Variants in KMT2B observed in about 807,000 individuals in gnomAD.
KMT2B encodes histone-lysine N-methyltransferase 2B.
KMT2B carries 22 observed loss-of-function variants against 255.3 expected under a neutral mutation model. The observed-to-expected ratio is 0.09, with a 90% CI of 0.06 to 0.12. The LOEUF (loss-of-function observed/expected upper bound fraction) is 0.12, where lower values mean the gene tolerates loss of function less well. Ranked by LOEUF, KMT2B falls within the 10% of genes least tolerant of loss-of-function variation. The pLI, the probability that KMT2B is intolerant of heterozygous loss-of-function variation, is 1.00. For synonymous variants in KMT2B, 1,730 were observed against 1,498.1 expected (o/e 1.15, Z -3.57); for missense variants, 3,149 against 3,737.0 (o/e 0.84, Z 4.10).
rs772084089 is a variant in KMT2B, at chr19:35,720,652, A to G, written c.1305A>G (p.Pro435=). The G allele has an allele frequency of 5.2e-5, 36 of 698,912 alleles. No individual in the cohort carries two copies. Among genetic ancestry groups the G allele is most frequent in the Admixed American group, 1.5e-4 (3 of 19,450 alleles). The allele number at this position is 698,912 out of a possible 1,614,324, so 43.3% of individuals were successfully genotyped here. ...PPPLCPPPPP[P]VSPPPLPSPP... ...CACTCTGCCCTCCACCACCACCCCC[A>G]GTGTCCCCACCACCTCTACCATCCC... The change falls in exon 3 of 37, where the codon CCA becomes CCG. Residue 435 remains proline (P), a synonymous_variant. Transcript: ENST00000420124.
intron 13 of KMT2B, 121 bp from the exon 14 acceptor site, chr19:35,726,115 C>G: frequency 2.7e-6 from 2 of 745,514 alleles, no homozygotes; most frequent in South Asian, 3.2e-5. Flanking sequence ...CGTGTTTTCT[C>G]CTCTTACCTG....
rs200828983 is a variant in KMT2B, at chr19:35,731,871, G to T, written c.5438-37G>T. 7.3e-4 allele frequency: 1,076 copies of T among 1,481,306 alleles called. 2 individuals are homozygous for T. Among genetic ancestry groups the T allele is most frequent in the Non-Finnish European group, 7.1e-4 (755 of 1,061,020 alleles). 91.8% of individuals were successfully genotyped at this position (1,481,306 alleles called of 1,614,324 possible). On this transcript the variant is annotated intron_variant, in intron 26 of 36. Coordinates refer to ENST00000420124, the MANE Select transcript of KMT2B (RefSeq NM_014727.3). ...GCATGTGGGCAGGCTTTGACACAGA[G>T]CCCCTACCACCCCAATGCCATTTCT...
chr19:35,728,257 T>TGAGCAGAGGTAGGGTCTG (rs1969548785), intron 19 of KMT2B, 86 bp downstream of exon 19: 3 of 1,192,458 alleles, frequency 2.5e-6, no homozygotes, highest in African/African-American at 1.5e-5. Context: ...TGAGAAGAGA[T>TGAGCAGAGGTAGGGTCTG]GAGCAGAGGT....
rs377172275 is a variant in KMT2B at position 35,732,842 on chromosome 19, C to T, written c.6293C>T (p.Ala2098Val). The T allele has an allele frequency of 6.2e-6, 10 of 1,608,572 alleles. No homozygotes were observed. In the African/African-American group the frequency reaches 1.1e-4, roughly 17 times the overall value. ...GTAGTCCGGGCAGGGGTCCTTGGGG[C>T]TGCAGGGGACAGGGCCCGGCCTCCT... is the stretch of plus-strand genomic sequence containing the variant. ...PGVVRAGVLG[A>V]AGDRARPPED... The change falls in exon 28 of 37, where the codon GCT (alanine) becomes GTT (valine). Residue 2098 changes from alanine to valine, a missense_variant. Coordinates refer to ENST00000420124, the MANE Select transcript of KMT2B (RefSeq NM_014727.3).
At chr19:35,728,070 C>A (rs1001992749) in intron 18 of KMT2B, 28 bp from the exon 19 acceptor site, 1 of 1,578,946 alleles carries the variant, frequency 6.3e-7, no homozygotes, top group Non-Finnish European at 8.6e-7. Flanking sequence ...GAAGCTGGCT[C>A]TTCTCATCCT....
In KMT2B at chr19:35,725,763, C is replaced by A; in HGVS notation, c.3830C>A (p.Pro1277Gln). ...GAGCGCTGCCGCCATGCATACCACC[C>A]GGCCTGTCTGGGGCCCAGCTATCCA... is the stretch of plus-strand genomic sequence containing the variant. ...ECERCRHAYH[P>Q]ACLGPSYPTR... The change falls in exon 13 of 37, where the codon CCG becomes CAG. Residue 1277 changes from proline (P) to glutamine (Q), a missense_variant. Pro to Gln is a moderately conservative substitution (Grantham distance 76). Transcript: ENST00000420124. This position sits in a 1 kb window ranked among gnomAD's most constrained non-coding sequence, Gnocchi z 4.1. 1 of 1,602,484 alleles carries A rather than the reference C, an allele frequency of 6.2e-7. No individual in the cohort carries two copies. The highest frequency in any genetic ancestry group is 8.5e-7 in the Non-Finnish European group (1 of 1,174,892).
At chr19:35,726,451 C>T (rs1969450842) in intron 14 of KMT2B, 98 bp downstream of exon 14, 2 of 799,340 alleles carry the variant, frequency 2.5e-6, no homozygotes, top group East Asian at 5.1e-5. Context: ...TCATGGCTTT[C>T]CACCTTGTAG....
chr19:35,736,991 G>T lies in KMT2B; in HGVS notation c.7372+5G>T. On this transcript the variant is annotated splice_donor_5th_base_variant and intron_variant, in intron 32 of 36. Transcript: ENST00000420124. ...TCAGACATCTCTCCTTTAGTGGTAAGGAGTGGGCCCCACAGGGGGCAGGGA... is the reference window on the plus strand; with the variant it reads ...TCAGACATCTCTCCTTTAGTGGTAATGAGTGGGCCCCACAGGGGGCAGGGA... 1.2e-6 allele frequency: 2 copies of T among 1,613,300 alleles called. No homozygotes were observed. Among genetic ancestry groups the T allele is most frequent in the Non-Finnish European group, 1.7e-6 (2 of 1,179,592 alleles).
In KMT2B at chr19:35,719,812, G is replaced by A. The variant is rs757049498; in HGVS notation, c.465G>A (p.Lys155=). Residue 155 remains lysine, a synonymous_variant, in exon 3 of 37, where the codon AAG becomes AAA. Transcript: ENST00000420124. ...RGRAPRGRGR[K]HKTTPLPPPR... is the part of the protein sequence containing the mutation. ...GAGCGCCCCGAGGTCGGGGTCGCAA[G>A]CATAAGACGACCCCCCTTCCTCCTC... The A allele has an allele frequency of 2.2e-5, 36 of 1,607,072 alleles. No individual in the cohort carries two copies. The highest frequency in any genetic ancestry group is 1.7e-4 in the Middle Eastern group (1 of 6,052).
intron 26 of KMT2B, 22 bp from the exon 27 acceptor site, chr19:35,731,886 A>G (rs754125575): frequency 3.8e-6 from 6 of 1,570,020 alleles, no homozygotes; most frequent in East Asian, 4.5e-5. Context: ...TACCACCCCA[A>G]TGCCATTTCT....
rs1320999461 is a variant in KMT2B at position 35,732,784 on chromosome 19, C to T, written c.6235C>T (p.Arg2079Trp). Reference protein sequence around the residue: ...DSEAEAVQQPRGQGTPPSGPG... With the variant: ...DSEAEAVQQPWGQGTPPSGPG... ...TGAGGCTGAGGCGGTGCAGCAGCCT[C>T]GGGGCCAGGGCACGCCTCCTTCGGG... The change falls in exon 28 of 37, where the codon CGG (arginine) becomes TGG (tryptophan). Residue 2079 changes from arginine to tryptophan, a missense_variant. Arg to Trp is a moderately radical substitution (Grantham distance 101). Transcript: ENST00000420124. The T allele has an allele frequency of 6.2e-7, 1 of 1,607,572 alleles. No individual in the cohort carries two copies. The highest frequency in any genetic ancestry group is 8.5e-7 in the Non-Finnish European group (1 of 1,177,756).
rs1209805964 is a variant in KMT2B at position 35,723,955 on chromosome 19, C to T, written c.3282C>T (p.Asp1094=). 1 of 1,611,152 alleles carries T rather than the reference C, an allele frequency of 6.2e-7. No homozygotes were observed. The highest frequency in any genetic ancestry group is 8.5e-7 in the Non-Finnish European group (1 of 1,178,738). The change falls in exon 8 of 37, where the codon GAC becomes GAT. Residue 1094 remains aspartate, a synonymous_variant. Transcript: ENST00000420124. This position sits in a 1 kb window ranked among gnomAD's most constrained non-coding sequence, Gnocchi z 7.5. ...ATGATATCTTCGAGGATTCGGATGA[C>T]TCGGAGCCCGGGGGCCCCCCTGCTC... The part of the protein sequence containing the change: ...PSYDIFEDSD[D]SEPGGPPAPR...
chr19:35,738,329 C>T lies in KMT2B; in HGVS notation c.7920C>T (p.Asp2640=), dbSNP rs770718510. Residue 2640 remains aspartate (D), a synonymous_variant, in exon 37 of 37, where the codon GAC becomes GAT. Transcript: ENST00000420124. The surrounding 1 kb of genome is among the most constrained non-coding windows in gnomAD (Gnocchi z 8.7). ...GCATGGATGACTTTGATGTAGTGGA[C>T]GCCACGATGCATGGCAATGCCGCCC... is the stretch of plus-strand genomic sequence containing the variant. ...MFRMDDFDVV[D]ATMHGNAARF... 1.4e-5 allele frequency: 23 copies of T among 1,613,752 alleles called. No homozygotes were observed. Among genetic ancestry groups the T allele is most frequent in the African/African-American group, 4.0e-5 (3 of 74,916 alleles).
At position 35,733,927 on chromosome 19, in the gene KMT2B, ACT is replaced by A; in HGVS notation, c.7159+57_7159+58del. ...TGCCTGTGCCTGGCTCAGCTGGGTG[ACT>A]CACAGATGCAAAATCAGCCCTCTTT... On this transcript the variant is annotated intron_variant, in intron 30 of 36. Transcript: ENST00000420124. The surrounding 1 kb of genome is among the most constrained non-coding windows in gnomAD (Gnocchi z 4.3). 7.7e-7 allele frequency: 1 copy of A among 1,307,044 alleles called. No homozygotes were observed. The highest frequency in any genetic ancestry group is 1.2e-5 in the South Asian group (1 of 80,346). 81.0% of individuals were successfully genotyped at this position (1,307,044 alleles called of 1,614,324 possible).
rs369773142 is a variant in KMT2B at position 35,721,399 on chromosome 19, C to T, written c.2052C>T (p.Ala684=). ...CCCCTGAGCCAGAGCCTCCTCCTGC[C>T]GATGACTCTCCAGCTGAGCCTGAGC... ...PEAPEPEPPP[A]DDSPAEPEPR... Residue 684 remains alanine (A), a synonymous_variant, in exon 3 of 37, where the codon GCC becomes GCT. Transcript: ENST00000420124. 3.0e-5 allele frequency: 48 copies of T among 1,609,464 alleles called. No individual in the cohort carries two copies. Among genetic ancestry groups the T allele is most frequent in the South Asian group, 5.5e-5 (5 of 90,458 alleles).
chr19:35,721,276 G>A lies in KMT2B; in HGVS notation c.1929G>A (p.Arg643=), dbSNP rs1568369401. 2 of 1,531,310 alleles carry A rather than the reference G, an allele frequency of 1.3e-6. No homozygotes were observed. Among genetic ancestry groups the A allele is most frequent in the Non-Finnish European group, 8.8e-7 (1 of 1,140,884 alleles). The allele number at this position is 1,531,310 out of a possible 1,614,324, so 94.9% of individuals were successfully genotyped here. ...PPPAPATSSR[R]PLLLRAPQFT... is the part of the protein sequence containing the mutation. The stretch of plus-strand genomic sequence containing the variant: ...CTGCTCCTGCCACCTCCTCCCGGAG[G>A]CCCCTACTCCTTCGGGCCCCTCAGT... Residue 643 remains arginine, a synonymous_variant, in exon 3 of 37, where the codon AGG becomes AGA. Coordinates refer to ENST00000420124, the MANE Select transcript of KMT2B (RefSeq NM_014727.3).
rs1467494965 is a variant in KMT2B, at chr19:35,725,303, C to T, written c.3612C>T (p.Cys1204=). The change falls in exon 11 of 37, where the codon TGC becomes TGT. Residue 1204 remains cysteine (C), a synonymous_variant. Transcript: ENST00000420124. The surrounding 1 kb of genome is among the most constrained non-coding windows in gnomAD (Gnocchi z 4.1). ...TSVPGGPPMV[C]LLCASKGLHE... ...TGCCAGGGGGCCCCCCGATGGTGTGCTTGCTGTGTGCCAGCAAAGGACTCC... is the reference window on the plus strand; with the variant it reads ...TGCCAGGGGGCCCCCCGATGGTGTGTTTGCTGTGTGCCAGCAAAGGACTCC... The T allele has an allele frequency of 1.9e-6, 3 of 1,572,846 alleles. No individual in the cohort carries two copies. The highest frequency in any genetic ancestry group is 1.2e-5 in the South Asian group (1 of 84,458).
rs146357202 is a variant in KMT2B at position 35,728,906 on chromosome 19, G to A, written c.4687+17G>A. 52 of 1,612,600 alleles carry A rather than the reference G, an allele frequency of 3.2e-5. 1 individual carries two copies. The highest frequency in any genetic ancestry group is 2.9e-4 in the South Asian group (26 of 91,048). On this transcript the variant is annotated intron_variant, in intron 20 of 36. Coordinates refer to ENST00000420124, the MANE Select transcript of KMT2B (RefSeq NM_014727.3). ...CCTCAGCAGGTACTGGGAAGTGGGG[G>A]TCCAGAAGCCAGGGCCCTGTGTTGG...
chr19:35,728,638 T>C (rs1969562517), intron 19 of KMT2B, 136 bp from the exon 20 acceptor site: 1 of 685,936 alleles, frequency 1.5e-6, no homozygotes, highest in Non-Finnish European at 2.6e-6. Flanking sequence ...GGGCCTGGCT[T>C]ATTTGGTGGA....
Sources: allele counts gnomAD v4.1 joint callset, GRCh38; gene constraint gnomAD v4.1.1; non-coding constraint Gnocchi (gnomAD v3.1); transcripts MANE v1.5; gene names NCBI Gene and HGNC (gene_info 2026-07-23, HGNC 2026-07-21).